Variants in TTC28 observed in about 807,000 individuals in gnomAD.
The protein encoded by TTC28 is tetratricopeptide repeat protein 28.
TTC28 carries 61 observed loss-of-function variants against 198.0 expected under a neutral mutation model. The ratio of observed to expected loss-of-function variants is 0.31; its 90% confidence interval spans 0.25 to 0.38. The LOEUF (loss-of-function observed/expected upper bound fraction) is 0.38, where lower values mean the gene tolerates loss of function less well. Ranked by LOEUF, TTC28 falls within the 10% of genes least tolerant of loss-of-function variation. The probability of loss-of-function intolerance (pLI) is 1.00; values close to 1 mark genes in which losing one functional copy is unlikely to be tolerated. For synonymous variants in TTC28, 1,171 were observed against 1,297.8 expected, an observed-to-expected ratio of 0.90 and a Z score of 2.10; for missense variants, 2,678 against 3,164.0, an observed-to-expected ratio of 0.85 and a Z score of 3.69.
At chr22:28,244,803 T>C (rs553867957) in intron 5 of TTC28, among the ~76,000 whole-genome samples, 1 of 152,276 alleles carries the variant, frequency 6.6e-6, no homozygotes, top group Admixed American at 6.5e-5. Context: ...TCATGTACCG[T>C]GCAAGCAAGA....
chr22:28,656,130 G>A lies in TTC28; in HGVS notation c.102+23492C>T, dbSNP rs530007800. Among the ~76,000 whole-genome samples, 245 of 152,314 alleles carry A rather than the reference G, an allele frequency of 1.6e-3. 2 individuals carry two copies. The highest frequency in any genetic ancestry group is 2.7e-3 in the Admixed American group (42 of 15,296). The stretch of plus-strand genomic sequence containing the variant: ...CACCCCTAAGGCTGAGTTAACAAAC[G>A]CTCAGAGGAGGGACCCAGGGAACTT... On this transcript the variant is annotated intron_variant, in intron 1 of 22. Transcript: ENST00000397906.
At chr22:28,062,413 CTTTTTTTTT>C (rs57398979) in intron 12 of TTC28, among the ~76,000 whole-genome samples, 34 of 102,312 alleles carry the variant, frequency 3.3e-4, no homozygotes, top group Non-Finnish European at 4.8e-4. Context: ...TTTAACTCTT[CTTTTTTTTT>C]TTTTTTTTTT....
intron 2 of TTC28, among the ~76,000 whole-genome samples, chr22:28,445,954 T>C (rs1465725498): frequency 6.6e-6 from 1 of 152,078 alleles, no homozygotes; most frequent in Non-Finnish European, 1.5e-5. Context: ...GGGACTTGAC[T>C]GTTATAATAC....
chr22:28,262,383 G>A (rs1172871837), intron 5 of TTC28, among the ~76,000 whole-genome samples: 1 of 152,144 alleles, frequency 6.6e-6, no homozygotes, highest in African/African-American at 2.4e-5. Flanking sequence ...ATAGTTCGGA[G>A]TTGCTAATCT....
intron 5 of TTC28, among the ~76,000 whole-genome samples, chr22:28,206,810 A>T (rs1421248989): frequency 1.3e-5 from 2 of 152,160 alleles, no homozygotes; most frequent in Non-Finnish European, 2.9e-5. Context: ...CCTCATTAGT[A>T]CTTTACTCAG....
At chr22:28,312,360 C>T (rs990408588) in intron 2 of TTC28, among the ~76,000 whole-genome samples, 1 of 152,128 alleles carries the variant, frequency 6.6e-6, no homozygotes, top group African/African-American at 2.4e-5. Context: ...ACCAAGCGAA[C>T]CTAATAGACA....
chr22:28,088,459 T>G (rs986880109), intron 12 of TTC28, among the ~76,000 whole-genome samples: 1 of 152,252 alleles, frequency 6.6e-6, no homozygotes, highest in East Asian at 1.9e-4. Flanking sequence ...TGGCTAGCCA[T>G]ATGTAGAAAG....
intron 5 of TTC28, among the ~76,000 whole-genome samples, chr22:28,262,516 G>C (rs1931394907): frequency 6.6e-6 from 1 of 152,024 alleles, no homozygotes; most frequent in Non-Finnish European, 1.5e-5. Context: ...TCTCAAGTAA[G>C]TTTCCTATGT....
intron 5 of TTC28, among the ~76,000 whole-genome samples, chr22:28,203,417 T>C (rs1435358272): frequency 6.6e-6 from 1 of 152,146 alleles, no homozygotes; most frequent in Non-Finnish European, 1.5e-5. Flanking sequence ...TTGTAACCTG[T>C]AAATGTTCTT....
At chr22:28,092,538 C>G (rs571625253) in intron 12 of TTC28, among the ~76,000 whole-genome samples, 7 of 152,314 alleles carry the variant, frequency 4.6e-5, no homozygotes, top group Non-Finnish European at 7.3e-5. Context: ...AAAGTCTGCC[C>G]TGCTGGCTCT....
intron 1 of TTC28, among the ~76,000 whole-genome samples, chr22:28,677,953 AAG>A (rs1174209209): frequency 1.3e-5 from 2 of 152,016 alleles, no homozygotes; most frequent in African/African-American, 4.8e-5. Context: ...AAAAAAGAAA[AAG>A]AAGAAAATTT....
chr22:28,514,093 A>T (rs1484370294), intron 2 of TTC28, among the ~76,000 whole-genome samples: 1 of 152,146 alleles, frequency 6.6e-6, no homozygotes, highest in African/African-American at 2.4e-5. Context: ...GAGTAAAATA[A>T]CTGGCTACTT....
At chr22:28,058,936 A>C (rs1286881727) in intron 12 of TTC28, among the ~76,000 whole-genome samples, 2 of 152,100 alleles carry the variant, frequency 1.3e-5, no homozygotes, top group Admixed American at 1.3e-4. Flanking sequence ...ATAAGATCTG[A>C]AGCAATAAGG....
intron 2 of TTC28, among the ~76,000 whole-genome samples, chr22:28,581,756 C>T (rs2050236755): frequency 6.6e-6 from 1 of 152,168 alleles, no homozygotes; most frequent in Admixed American, 6.5e-5. Flanking sequence ...TACAAACGAA[C>T]AAACAAAAGA....
intron 5 of TTC28, among the ~76,000 whole-genome samples, chr22:28,204,945 G>A (rs912453781): frequency 6.6e-6 from 1 of 151,970 alleles, no homozygotes; most frequent in African/African-American, 2.4e-5. Flanking sequence ...TCTTAAAGCT[G>A]GTTATTATTT....
chr22:28,077,308 T>C (rs1569123909), intron 12 of TTC28, among the ~76,000 whole-genome samples: 1 of 152,218 alleles, frequency 6.6e-6, no homozygotes, highest in Non-Finnish European at 1.5e-5. Context: ...ATTTATTTAC[T>C]GAAACAGGGT....
At chr22:28,595,593 C>T (rs2050525657) in intron 2 of TTC28, among the ~76,000 whole-genome samples, 1 of 152,182 alleles carries the variant, frequency 6.6e-6, no homozygotes, top group Non-Finnish European at 1.5e-5. Flanking sequence ...ATGAATCATT[C>T]AGTCATTTGT....
At chr22:28,487,279 G>A (rs1568974691) in intron 2 of TTC28, among the ~76,000 whole-genome samples, 1 of 150,860 alleles carries the variant, frequency 6.6e-6, no homozygotes, top group African/African-American at 2.4e-5. Context: ...TTAAAAACTG[G>A]ATATTATAAA....
intron 2 of TTC28, among the ~76,000 whole-genome samples, chr22:28,504,279 A>G (rs896372383): frequency 6.6e-6 from 1 of 152,248 alleles, no homozygotes. Flanking sequence ...AGTGAGATAT[A>G]TAACAGGTAA....
Sources: allele counts gnomAD v4.1 joint callset (sites outside exome capture counted in the v4.1 genomes callset), GRCh38; gene constraint gnomAD v4.1.1; transcripts MANE v1.5; gene names NCBI Gene and HGNC (gene_info 2026-07-23, HGNC 2026-07-21).